The following CREBBP variants were observed in gnomAD, a reference collection of about 807,000 sequenced individuals.
The protein encoded by CREBBP is CREB binding lysine acetyltransferase, also known as CREB-binding protein.
Under a neutral mutation model 265.0 loss-of-function variants are expected in CREBBP, and 19 were observed. The ratio of observed to expected loss-of-function variants is 0.07; its 90% CI spans 0.05 to 0.11. CREBBP has a LOEUF of 0.11. Ranked by LOEUF, CREBBP falls within the 10% of genes least tolerant of loss-of-function variation. The probability of loss-of-function intolerance (pLI) is 1.00; values close to 1 mark genes in which losing one functional copy is unlikely to be tolerated. For missense variants in CREBBP, 2,525 were observed against 3,219.0 expected (o/e 0.78, Z 5.22); for synonymous variants, 1,457 against 1,223.7 (o/e 1.19, Z -3.98).
rs562331937 is a variant in CREBBP at position 3,785,705 on chromosome 16, A to G, written c.1331-2779T>C. Among the ~76,000 whole-genome samples the G allele has an allele frequency of 6.6e-5, 10 of 152,270 alleles. No homozygotes were observed. The South Asian group carries it at 2.1e-3, about 32-fold the overall frequency. ...GCATCCCTAAGGATGAAGTTTCTCT[A>G]TTTATCCTTTCTGTATTATTGCCAC... On this transcript the variant is annotated intron_variant, in intron 5 of 30. Transcript: ENST00000262367.
intron 5 of CREBBP, among the ~76,000 whole-genome samples, chr16:3,790,353 T>C (rs2053477691): frequency 1.3e-5 from 2 of 150,954 alleles, no homozygotes; most frequent in South Asian, 4.2e-4. Context: ...TTAACTGACT[T>C]TTAGGAAACT....
At chr16:3,748,661 G>A (rs1475559806) in intron 21 of CREBBP, among the ~76,000 whole-genome samples, 5 of 152,180 alleles carry the variant, frequency 3.3e-5, no homozygotes, top group Admixed American at 2.6e-4. Flanking sequence ...AGTAGCCAAC[G>A]CTCCTGGAGC....
chr16:3,846,338 G>A (rs977138557), intron 2 of CREBBP, among the ~76,000 whole-genome samples: 1 of 152,230 alleles, frequency 6.6e-6, no homozygotes, highest in African/African-American at 2.4e-5. Flanking sequence ...GATTTGGACA[G>A]AGGCTCAATC....
chr16:3,782,156 C>T (rs1286342920), intron 6 of CREBBP, among the ~76,000 whole-genome samples: 1 of 152,146 alleles, frequency 6.6e-6, no homozygotes, highest in Non-Finnish European at 1.5e-5. Context: ...TGTGAGCAAA[C>T]GATCAAAGGC....
At chr16:3,784,826 G>A (rs2141258660) in intron 5 of CREBBP, among the ~76,000 whole-genome samples, 1 of 152,230 alleles carries the variant, frequency 6.6e-6, no homozygotes, top group East Asian at 1.9e-4. Context: ...GCACTTACAG[G>A]GCAGCCAACG....
chr16:3,826,644 C>A (rs1472218615), intron 2 of CREBBP, among the ~76,000 whole-genome samples: 1 of 152,104 alleles, frequency 6.6e-6, no homozygotes, highest in African/African-American at 2.4e-5. Context: ...TACAGAGGGG[C>A]ATCCTATAAT....
At chr16:3,799,715 CAA>C (rs1287982980) in intron 3 of CREBBP, among the ~76,000 whole-genome samples, 3 of 152,226 alleles carry the variant, frequency 2.0e-5, no homozygotes, top group African/African-American at 7.2e-5. Context: ...TATAATGAAA[CAA>C]GAGGCACCCA....
chr16:3,855,040 A>C lies in CREBBP; in HGVS notation c.86-4031T>G, dbSNP rs369337543. Among the ~76,000 whole-genome samples, 9 of 152,346 alleles carry C rather than the reference A, an allele frequency of 5.9e-5. No homozygotes were observed. In the South Asian group the frequency reaches 1.2e-3, roughly 21 times the overall value. On this transcript the variant is annotated intron_variant, in intron 1 of 30. Transcript: ENST00000262367. ...GCAACTCAGGAAATGTAACACTGAT[A>C]CAATACTGAATATACTGCCCTTACT...
intron 1 of CREBBP, among the ~76,000 whole-genome samples, chr16:3,863,433 T>C (rs2055116395): frequency 6.6e-6 from 1 of 152,076 alleles, no homozygotes; most frequent in South Asian, 2.1e-4. Context: ...TGAAACCTCA[T>C]CTCTACTAAA....
rs130039 is a variant in CREBBP, at chr16:3,807,223, C to T, written c.975+3380G>A. ...TTCCTCAATGCTACCCAGTGTTGGA[C>T]TCCTATAGAAACTAGGAGGGGAGAG... is the stretch of plus-strand genomic sequence containing the variant. On this transcript the variant is annotated intron_variant, in intron 3 of 30. Coordinates refer to ENST00000262367, the MANE Select transcript of CREBBP (RefSeq NM_004380.3). Among the ~76,000 whole-genome samples the T allele has an allele frequency of 9.2e-3, 1,395 of 152,236 alleles. 16 individuals are homozygous for T. Among genetic ancestry groups the T allele is most frequent in the Non-Finnish European group, 0.013 (872 of 68,026 alleles).
chr16:3,866,053 G>T (rs907755249), intron 1 of CREBBP, among the ~76,000 whole-genome samples: 1 of 152,084 alleles, frequency 6.6e-6, no homozygotes, highest in Non-Finnish European at 1.5e-5. Flanking sequence ...TCCAGTTAGG[G>T]TCCTTATGAT....
chr16:3,817,321 A>G (rs2054057500), intron 2 of CREBBP, among the ~76,000 whole-genome samples: 1 of 152,088 alleles, frequency 6.6e-6, no homozygotes, highest in Admixed American at 6.6e-5. Context: ...GGCTGCCAAC[A>G]GCCTCCTCTG....
intron 2 of CREBBP, among the ~76,000 whole-genome samples, chr16:3,845,561 C>T (rs1008839912): frequency 7.9e-5 from 12 of 152,106 alleles, no homozygotes; most frequent in Non-Finnish European, 1.3e-4. Flanking sequence ...ATCTCTGTGT[C>T]TCACTCCTTA....
At chr16:3,786,389 T>G (rs578256787) in intron 5 of CREBBP, among the ~76,000 whole-genome samples, 3 of 152,130 alleles carry the variant, frequency 2.0e-5, no homozygotes, top group Non-Finnish European at 4.4e-5. Context: ...AAAGGAATGT[T>G]CCACTAAGAG....
intron 2 of CREBBP, among the ~76,000 whole-genome samples, chr16:3,835,029 G>A (rs1441548758): frequency 6.6e-6 from 1 of 152,074 alleles, no homozygotes; most frequent in Non-Finnish European, 1.5e-5. Flanking sequence ...ATGGTGGCAG[G>A]CGCCTGTAGT....
chr16:3,753,109 T>C (rs1268035962), intron 19 of CREBBP, among the ~76,000 whole-genome samples: 2 of 152,154 alleles, frequency 1.3e-5, no homozygotes, highest in Non-Finnish European at 2.9e-5. Context: ...GGATTAGTAT[T>C]AAAAACAGTG....
At chr16:3,849,438 T>TGTGTGTGTGTGTG (rs2054760264) in intron 2 of CREBBP, among the ~76,000 whole-genome samples, 14 of 12,792 alleles carry the variant, frequency 1.1e-3, no homozygotes, top group East Asian at 0.013. Context: ...TGTGTGTGTG[T>TGTGTGTGTGTGTG]GTGTGTGTGT....
intron 8 of CREBBP, among the ~76,000 whole-genome samples, chr16:3,779,225 G>A (rs572912400): frequency 6.6e-6 from 1 of 151,276 alleles, no homozygotes; most frequent in South Asian, 2.1e-4. Context: ...CCAGGCTGGA[G>A]TACAGTGGCA....
At chr16:3,764,474 C>G (rs755823433) in intron 16 of CREBBP, among the ~76,000 whole-genome samples, 8 of 151,894 alleles carry the variant, frequency 5.3e-5, no homozygotes, top group Non-Finnish European at 8.8e-5. Context: ...CAGGGTCTCA[C>G]TACGTTGCCC....
Sources: gnomAD v4.1 joint callset for allele counts (sites outside exome capture counted in the v4.1 genomes callset) on GRCh38, gnomAD v4.1.1 for gene constraint, MANE v1.5 for transcripts, NCBI Gene and HGNC (gene_info 2026-07-23, HGNC 2026-07-21) for gene names.